The following OPCML variants were observed in gnomAD, a reference collection of about 807,000 sequenced individuals.
OPCML encodes the protein opioid binding protein/cell adhesion molecule like.
A neutral mutation model predicts 37.8 loss-of-function variants in OPCML; 13 were observed. That is an observed-to-expected ratio of 0.34 (90% CI 0.22 to 0.55). OPCML has a LOEUF of 0.55. OPCML is among the 20% of genes least tolerant of loss of function. OPCML has a pLI of 0.91. For missense variants in OPCML, 341 were observed against 435.6 expected (o/e 0.78, Z 1.93); for synonymous variants, 176 against 168.8 (o/e 1.04, Z -0.33).
rs563994299 is a variant in OPCML at position 132,651,056 on chromosome 11, G to A, written c.379+6031C>T. On this transcript the variant is annotated intron_variant, in intron 3 of 7. Coordinates refer to ENST00000524381, the MANE Select transcript of OPCML (RefSeq NM_001012393.5). ...CTGCCTCCCTGGGCCTGCTGCAACC[G>A]CTCCTTGGTGCAATCCCAGCATCCA... 1.1e-3 allele frequency among the ~76,000 whole-genome samples: 173 copies of A among 152,264 alleles called. 1 individual carries two copies. The Middle Eastern group carries it at 0.031, about 27-fold the overall frequency.
chr11:133,232,947 C>T (rs1940341508), intron 1 of OPCML, among the ~76,000 whole-genome samples: 1 of 152,144 alleles, frequency 6.6e-6, no homozygotes, highest in Non-Finnish European at 1.5e-5. Context: ...GTTGGGATGG[C>T]ATCAGGGGTG....
chr11:132,792,005 C>T (rs1415271161), intron 2 of OPCML, among the ~76,000 whole-genome samples: 1 of 152,184 alleles, frequency 6.6e-6, no homozygotes, highest in African/African-American at 2.4e-5. Context: ...TGAATAAAAG[C>T]CAGACCTTGA....
intron 2 of OPCML, among the ~76,000 whole-genome samples, chr11:132,815,059 G>A (rs531025943): frequency 1.8e-4 from 27 of 152,016 alleles, no homozygotes; most frequent in African/African-American, 5.3e-4. Flanking sequence ...CCTGATTTTC[G>A]TGACCCCCAT....
At chr11:133,100,994 G>A (rs979729965) in intron 1 of OPCML, among the ~76,000 whole-genome samples, 6 of 151,948 alleles carry the variant, frequency 3.9e-5, no homozygotes, top group Non-Finnish European at 5.9e-5. Context: ...GCATGATCTC[G>A]GCTCACTGCA....
intron 2 of OPCML, among the ~76,000 whole-genome samples, chr11:132,685,895 C>T (rs1943143973): frequency 6.6e-6 from 1 of 152,178 alleles, no homozygotes; most frequent in Non-Finnish European, 1.5e-5. Flanking sequence ...TCAATGGCAT[C>T]TGCAGTGTGT....
rs561104365 is a variant in OPCML at position 133,170,928 on chromosome 11, C to T, written c.62-227918G>A. Among the ~76,000 whole-genome samples the T allele has an allele frequency of 5.9e-5, 9 of 152,320 alleles. No individual in the cohort carries two copies. In the South Asian group the frequency reaches 1.4e-3, roughly 25 times the overall value. On this transcript the variant is annotated intron_variant, in intron 1 of 7. Coordinates refer to ENST00000524381, the MANE Select transcript of OPCML (RefSeq NM_001012393.5). ...AAGGAGAAATTTGGACTCAGACTCC[C>T]TGGGGAGACTCAGAGTTCCTGAGCC...
chr11:133,087,990 C>T (rs1201819647), intron 1 of OPCML, among the ~76,000 whole-genome samples: 4 of 151,646 alleles, frequency 2.6e-5, no homozygotes, highest in South Asian at 4.2e-4. Flanking sequence ...CTGTGTAGCA[C>T]GATAAAATAA....
chr11:133,249,756 C>T (rs1474343878), intron 1 of OPCML, among the ~76,000 whole-genome samples: 2 of 152,214 alleles, frequency 1.3e-5, no homozygotes, highest in Non-Finnish European at 2.9e-5. Context: ...GCAATTCCAT[C>T]AGCATTAAGT....
rs980386745 is a variant in OPCML, at chr11:133,212,302, C to T, written c.62-269292G>A. Reference sequence around the variant, plus strand: ...GCCTACACAGCTGGGCATCATCTACCGCCCTGCTTCCCATTTCCTCTCAGA... The same window carrying T: ...GCCTACACAGCTGGGCATCATCTACTGCCCTGCTTCCCATTTCCTCTCAGA... On this transcript the variant is annotated intron_variant, in intron 1 of 7. Coordinates refer to ENST00000524381, the MANE Select transcript of OPCML (RefSeq NM_001012393.5). This position sits in a 1 kb window ranked among gnomAD's most constrained non-coding sequence, Gnocchi z 4.9. Among the ~76,000 whole-genome samples the T allele has an allele frequency of 2.6e-5, 4 of 152,156 alleles. No homozygotes were observed. Among genetic ancestry groups the T allele is most frequent in the Admixed American group, 6.5e-5 (1 of 15,272 alleles).
chr11:132,964,146 G>C (rs953211452), intron 1 of OPCML, among the ~76,000 whole-genome samples: 5 of 152,222 alleles, frequency 3.3e-5, no homozygotes, highest in African/African-American at 1.2e-4. Flanking sequence ...TGAAGGTGCA[G>C]AGGGAATGAC....
At chr11:132,975,919 C>T (rs961535963) in intron 1 of OPCML, among the ~76,000 whole-genome samples, 52 of 152,022 alleles carry the variant, frequency 3.4e-4, no homozygotes, top group African/African-American at 8.5e-4. Flanking sequence ...TACAGGTGCC[C>T]GCCACCATGC....
intron 1 of OPCML, among the ~76,000 whole-genome samples, chr11:133,151,374 T>G (rs910690546): frequency 1.3e-5 from 2 of 151,802 alleles, no homozygotes; most frequent in Non-Finnish European, 1.5e-5. Flanking sequence ...TCCCACACAA[T>G]TGGCAATGGC....
intron 3 of OPCML, among the ~76,000 whole-genome samples, chr11:132,635,217 A>G (rs950808935): frequency 3.3e-5 from 5 of 152,192 alleles, no homozygotes; most frequent in African/African-American, 1.2e-4. Flanking sequence ...TTCCCTGTCT[A>G]AAACTATGGA....
At chr11:133,363,529 C>T (rs1409697652) in intron 1 of OPCML, among the ~76,000 whole-genome samples, 1 of 152,210 alleles carries the variant, frequency 6.6e-6, no homozygotes, top group African/African-American at 2.4e-5. Context: ...GTGCCTTTGG[C>T]TATTGCTATA....
chr11:133,070,175 T>G (rs1948501803), intron 1 of OPCML, among the ~76,000 whole-genome samples: 1 of 152,182 alleles, frequency 6.6e-6, no homozygotes, highest in Non-Finnish European at 1.5e-5. Context: ...AATTTACCTC[T>G]CATTACAGCT....
rs904582343 is a variant in OPCML, at chr11:133,500,653, C to T, written c.61+31611G>A. Among the ~76,000 whole-genome samples, 15 of 152,172 alleles carry T rather than the reference C, an allele frequency of 9.9e-5. No individual in the cohort carries two copies. The South Asian group carries it at 1.2e-3, about 13-fold the overall frequency. On this transcript the variant is annotated intron_variant, in intron 1 of 7. Coordinates refer to ENST00000524381, the MANE Select transcript of OPCML (RefSeq NM_001012393.5). ...GCCAGCTCCCATGGCAGCTCCTGCA[C>T]GGGGAGAATTACCCGGCTCGAGTCC... is the stretch of plus-strand genomic sequence containing the variant.
chr11:133,511,672 C>T (rs1465898805), intron 1 of OPCML, among the ~76,000 whole-genome samples: 1 of 152,082 alleles, frequency 6.6e-6, no homozygotes, highest in Non-Finnish European at 1.5e-5. Flanking sequence ...CTCTCTTCCC[C>T]ATAATCCCAT....
chr11:132,590,417 T>C (rs1419096788), intron 3 of OPCML, among the ~76,000 whole-genome samples: 1 of 152,162 alleles, frequency 6.6e-6, no homozygotes, highest in African/African-American at 2.4e-5. Flanking sequence ...AAAATGGATG[T>C]CTGAAGCAGA....
At chr11:133,435,997 A>G (rs1040314463) in intron 1 of OPCML, among the ~76,000 whole-genome samples, 2 of 152,232 alleles carry the variant, frequency 1.3e-5, no homozygotes, top group Non-Finnish European at 2.9e-5. Context: ...TGATTTCCAA[A>G]ATACACATGT....
Sources: allele counts gnomAD v4.1 joint callset (sites outside exome capture counted in the v4.1 genomes callset), GRCh38; gene constraint gnomAD v4.1.1; non-coding constraint Gnocchi (gnomAD v3.1); transcripts MANE v1.5; gene names NCBI Gene and HGNC (gene_info 2026-07-23, HGNC 2026-07-21).